The following BRCA1 variants were observed in gnomAD, a reference collection of about 807,000 sequenced individuals.
The protein encoded by BRCA1 is BRCA1 DNA repair associated.
BRCA1 carries 140 observed loss-of-function variants against 173.7 expected under a neutral mutation model. That is an observed-to-expected ratio of 0.81 (90% confidence interval 0.70 to 0.93). The LOEUF (loss-of-function observed/expected upper bound fraction) is 0.93. Ranked by LOEUF, BRCA1 falls within the 40% of genes least tolerant of loss-of-function variation. The pLI is 0.00. For missense variants in BRCA1, 1,983 were observed against 2,172.5 expected, an observed-to-expected ratio of 0.91 and a Z score of 1.73; for synonymous variants, 662 against 756.0, an observed-to-expected ratio of 0.88 and a Z score of 2.04.
At chr17:43,053,388 C>T (rs965087187) in intron 19 of BRCA1, among the ~76,000 whole-genome samples, 3 of 152,200 alleles carry the variant, frequency 2.0e-5, no homozygotes, top group Non-Finnish European at 2.9e-5. Context: ...TCGGGCTTGG[C>T]GTAGTGGCTC....
chr17:43,153,848 T>C (rs2056179186), intron 1 of BRCA1, among the ~76,000 whole-genome samples: 1 of 152,220 alleles, frequency 6.6e-6, no homozygotes. Flanking sequence ...GTGATTACTT[T>C]GTAAAAACAG....
chr17:43,072,596 T>C lies in BRCA1; in HGVS notation c.4676-1358A>G, dbSNP rs960317736. On this transcript the variant is annotated intron_variant, in intron 14 of 22. Transcript: ENST00000357654. ...TTTTTTTTTTTGAGATGGAGTTTCATTCTTGTTGCCCAGGCTAGAGTGCAA... is the reference window on the plus strand; with the variant it reads ...TTTTTTTTTTTGAGATGGAGTTTCACTCTTGTTGCCCAGGCTAGAGTGCAA... Among the ~76,000 whole-genome samples, 41 of 149,592 alleles carry C rather than the reference T, an allele frequency of 2.7e-4. 1 individual carries two copies. The highest frequency in any genetic ancestry group is 9.4e-4 in the African/African-American group (38 of 40,554).
chr17:43,095,861 C>G lies in BRCA1; in HGVS notation c.655G>C (p.Asp219His), dbSNP rs273902779. ...PQGTRDEISL[D>H]SAKKAACEFS... ...TTGCCATTACCCTTTTTTGCAGAAT[C>G]CAAACTGATTTCATCCCTGGTTCCT... Residue 219 changes from aspartate (D) to histidine (H), a missense_variant, in exon 9 of 23, where the codon GAT becomes CAT. Transcript: ENST00000357654. 1 of 1,613,564 alleles carries G rather than the reference C, an allele frequency of 6.2e-7. No homozygotes were observed. Among genetic ancestry groups the G allele is most frequent in the Non-Finnish European group, 8.5e-7 (1 of 1,179,722 alleles).
At chr17:43,057,292 T>C (rs947585002) in intron 18 of BRCA1, among the ~76,000 whole-genome samples, 157 bp from the exon 19 acceptor site, 4 of 152,090 alleles carry the variant, frequency 2.6e-5, no homozygotes, top group African/African-American at 9.7e-5. Flanking sequence ...GGCAGATCAC[T>C]TGAGGTCAGG....
chr17:43,047,551 A>G (rs1363505158), intron 22 of BRCA1, 92 bp downstream of exon 22: 4 of 1,251,364 alleles, frequency 3.2e-6, no homozygotes, highest in Admixed American at 1.7e-5. Context: ...AAATGTGCCA[A>G]GAACTGTGCT....
rs80357235 is a variant in BRCA1 at position 43,094,410 on chromosome 17, G to A, written c.1121C>T (p.Thr374Ile). Residue 374 changes from threonine to isoleucine, a missense_variant, in exon 10 of 23, where the codon ACA becomes ATA. Coordinates refer to ENST00000357654, the MANE Select transcript of BRCA1 (RefSeq NM_007294.4). ...PRDTEDVPWI[T>I]LNSSIQKVNE... is the part of the protein sequence containing the mutation. The stretch of plus-strand genomic sequence containing the variant: ...AACTTTCTGAATGCTGCTATTTAGT[G>A]TTATCCAAGGAACATCTTCAGTATC... 1 of 1,614,120 alleles carries A rather than the reference G, an allele frequency of 6.2e-7. No homozygotes were observed. Among genetic ancestry groups the A allele is most frequent in the Non-Finnish European group, 8.5e-7 (1 of 1,180,024 alleles).
intron 1 of BRCA1, among the ~76,000 whole-genome samples, chr17:43,141,767 G>A (rs1432615804): frequency 4.6e-5 from 7 of 151,750 alleles, no homozygotes; most frequent in Middle Eastern, 3.4e-3. Flanking sequence ...AGCCGAGATC[G>A]CACCACTGCA....
chr17:43,104,068 A>G, intron 6 of BRCA1, 54 bp downstream of exon 6: 12 of 810,090 alleles, frequency 1.5e-5, no homozygotes, highest in African/African-American at 5.1e-5. Context: ...AAAAAAAAAA[A>G]AGAAAAAAAA....
intron 13 of BRCA1, among the ~76,000 whole-genome samples, chr17:43,075,634 C>A (rs2052676907): frequency 1.3e-5 from 2 of 151,934 alleles, no homozygotes; most frequent in Admixed American, 1.3e-4. Flanking sequence ...ACGGTCCCAG[C>A]TCACTGCAAC....
At chr17:43,119,970 C>T (rs2055472706) in intron 2 of BRCA1, among the ~76,000 whole-genome samples, 1 of 152,174 alleles carries the variant, frequency 6.6e-6, no homozygotes, top group Non-Finnish European at 1.5e-5. Flanking sequence ...AAATGTTCCC[C>T]TTCTAGGTCC....
At position 43,087,911 on chromosome 17, in the gene BRCA1, T is replaced by C. The variant is rs79996471; in HGVS notation, c.4185+3033A>G. Among the ~76,000 whole-genome samples the C allele has an allele frequency of 8.6e-3, 1,281 of 149,134 alleles. 9 individuals carry two copies. The highest frequency in any genetic ancestry group is 0.014 in the Non-Finnish European group (947 of 66,982). ...TAAGCCTCACTAATTTTTTTTTTTT[T>C]CCCAGACAGGGGTTGCCCAGAACAG... On this transcript the variant is annotated intron_variant, in intron 11 of 22. Coordinates refer to ENST00000357654, the MANE Select transcript of BRCA1 (RefSeq NM_007294.4).
At chr17:43,063,300 A>G in intron 18 of BRCA1, 33 bp downstream of exon 18, 2 of 1,548,340 alleles carry the variant, frequency 1.3e-6, no homozygotes, top group Non-Finnish European at 1.8e-6. Flanking sequence ...CTGAATGAAT[A>G]TCTCTGGTTA....
intron 19 of BRCA1, 104 bp downstream of exon 19, chr17:43,056,948 T>C (rs1032067301): frequency 3.0e-6 from 3 of 1,001,202 alleles, no homozygotes; most frequent in South Asian, 1.3e-5. Flanking sequence ...ACTGTGTATG[T>C]ATGTAATAAG....
chr17:43,100,524 GTATA>G (rs760604247), intron 6 of BRCA1, among the ~76,000 whole-genome samples: 2 of 63,784 alleles, frequency 3.1e-5, no homozygotes, highest in Non-Finnish European at 8.1e-5. Flanking sequence ...GTGTGTGTGT[GTATA>G]TATATATACA....
intron 1 of BRCA1, among the ~76,000 whole-genome samples, chr17:43,152,214 A>G (rs1317930005): frequency 6.6e-6 from 1 of 152,136 alleles, no homozygotes; most frequent in Non-Finnish European, 1.5e-5. Context: ...GCCACCACTG[A>G]GCCTTGTATA....
At chr17:43,075,510 G>A (rs765966166) in intron 13 of BRCA1, among the ~76,000 whole-genome samples, 18 of 151,918 alleles carry the variant, frequency 1.2e-4, no homozygotes, top group Non-Finnish European at 2.4e-4. Context: ...CAAATACTAA[G>A]GCTAGGCCCC....
At chr17:43,057,609 G>A (rs1251951591) in intron 18 of BRCA1, among the ~76,000 whole-genome samples, 2 of 152,012 alleles carry the variant, frequency 1.3e-5, no homozygotes, top group Non-Finnish European at 2.9e-5. Flanking sequence ...GCCGAGACAG[G>A]CGGATCACGA....
chr17:43,044,901 T>C lies in BRCA1; in HGVS notation c.*777A>G, dbSNP rs1339686239. On this transcript the variant is annotated 3_prime_UTR_variant, in exon 23 of 23. Transcript: ENST00000357654. ...TCACTGCAACCTCCACCTCCCGGGC[T>C]GAAGTGATTCTCCTGCCTTAGCCAC... 2 of 478,688 alleles carry C rather than the reference T, an allele frequency of 4.2e-6. No individual in the cohort carries two copies. Among genetic ancestry groups the C allele is most frequent in the Non-Finnish European group, 8.2e-6 (2 of 243,008 alleles). The allele number at this position is 478,688 out of a possible 1,614,324, so 29.7% of individuals were successfully genotyped here. A position where few individuals can be genotyped will look rare whatever the true frequency, so the allele number is the denominator to read the frequency against.
intron 18 of BRCA1, among the ~76,000 whole-genome samples, chr17:43,061,498 G>A (rs1464954606): frequency 1.3e-5 from 2 of 151,914 alleles, no homozygotes; most frequent in South Asian, 4.1e-4. Flanking sequence ...CCAATAAATA[G>A]CCACTGAATA....
Sources: allele counts gnomAD v4.1 joint callset (sites outside exome capture counted in the v4.1 genomes callset), GRCh38; gene constraint gnomAD v4.1.1; transcripts MANE v1.5; gene names NCBI Gene and HGNC (gene_info 2026-07-23, HGNC 2026-07-21).